METTL25: variants seen among roughly 807,000 people sequenced by gnomAD.
METTL25 encodes methyltransferase like 25.
METTL25 carries 64 observed loss-of-function variants against 71.6 expected under a neutral mutation model. The observed-to-expected ratio is 0.89, with a 90% CI of 0.73 to 1.10. METTL25 has a LOEUF of 1.10. METTL25 is among the 50% of genes least tolerant of loss of function. The pLI, the probability that METTL25 is intolerant of heterozygous loss-of-function variation, is 0.00. For synonymous variants in METTL25, 287 were observed against 250.3 expected (o/e 1.15, Z -1.38); for missense variants, 807 against 707.0 (o/e 1.14, Z -1.60).
intron 5 of METTL25, among the ~76,000 whole-genome samples, chr12:82,420,109 A>C (rs1297570177): frequency 6.6e-6 from 1 of 152,196 alleles, no homozygotes; most frequent in African/African-American, 2.4e-5. Context: ...TAAGCCAGGC[A>C]GAGAAAAATA....
chr12:82,402,913 A>G, intron 4 of METTL25, 70 bp from the exon 5 acceptor site: 1 of 1,200,994 alleles, frequency 8.3e-7, no homozygotes, highest in Non-Finnish European at 1.2e-6. Context: ...CTGTATGTAA[A>G]AATAAATAAA....
chr12:82,451,232 G>T, intron 8 of METTL25: 1 of 910,532 alleles, frequency 1.1e-6, no homozygotes, highest in Non-Finnish European at 1.3e-6. Flanking sequence ...GCTTCATGCA[G>T]TATCCTCCTC....
chr12:82,413,833 T>C (rs976594600), intron 5 of METTL25, among the ~76,000 whole-genome samples: 3 of 151,948 alleles, frequency 2.0e-5, no homozygotes, highest in African/African-American at 7.2e-5. Context: ...ACTTTCCTGC[T>C]ATGATTCTGC....
At chr12:82,437,236 A>T (rs1041799027) in intron 7 of METTL25, among the ~76,000 whole-genome samples, 1 of 151,704 alleles carries the variant, frequency 6.6e-6, no homozygotes, top group African/African-American at 2.4e-5. Flanking sequence ...TTATATAAGA[A>T]TTGTGCCTTT....
intron 5 of METTL25, among the ~76,000 whole-genome samples, chr12:82,419,943 T>G (rs1888333341): frequency 6.6e-6 from 1 of 152,182 alleles, no homozygotes; most frequent in African/African-American, 2.4e-5. Flanking sequence ...CACAGTAACC[T>G]AAGATATGGA....
In METTL25 at chr12:82,456,829, A is replaced by G. The variant is rs1233826200; in HGVS notation, c.1572+9A>G. On this transcript the variant is annotated intron_variant, in intron 9 of 11. Coordinates refer to ENST00000248306, the MANE Select transcript of METTL25 (RefSeq NM_032230.3). The stretch of plus-strand genomic sequence containing the variant: ...GATTAGATGAGTCCAAGGTCAGTAT[A>G]TGATGACTCATTATTTTCAGAAAAG... 15 of 1,274,924 alleles carry G rather than the reference A, an allele frequency of 1.2e-5. No homozygotes were observed. Among genetic ancestry groups the G allele is most frequent in the Admixed American group, 2.4e-5 (1 of 42,000 alleles). 79.0% of individuals were successfully genotyped at this position (1,274,924 alleles called of 1,614,324 possible). A position where few individuals can be genotyped will look rare whatever the true frequency, so the allele number is the denominator to read the frequency against.
chr12:82,396,215 C>A (rs2136989623), intron 3 of METTL25, among the ~76,000 whole-genome samples: 1 of 152,170 alleles, frequency 6.6e-6, no homozygotes, highest in East Asian at 1.9e-4. Flanking sequence ...TAATACATTT[C>A]TCAGAACATA....
intron 8 of METTL25, among the ~76,000 whole-genome samples, chr12:82,446,908 C>T (rs578182074): frequency 6.6e-5 from 10 of 152,230 alleles, no homozygotes; most frequent in Admixed American, 3.3e-4. Context: ...TGTGCCACCA[C>T]GCCCGGCCTT....
At chr12:82,397,297 C>T (rs1175501621) in intron 3 of METTL25, among the ~76,000 whole-genome samples, 1 of 151,908 alleles carries the variant, frequency 6.6e-6, no homozygotes, top group Non-Finnish European at 1.5e-5. Flanking sequence ...GGGAAGAGTA[C>T]GTTTGAATAT....
chr12:82,379,742 A>T (rs1884244195), intron 1 of METTL25, among the ~76,000 whole-genome samples: 1 of 152,194 alleles, frequency 6.6e-6, no homozygotes, highest in South Asian at 2.1e-4. Context: ...CCAGTGGATT[A>T]ACAGAAACTG....
Position 82,358,753 on chromosome 12 carries a change from G to A in METTL25, c.188G>A (p.Arg63Lys). 4 of 1,614,096 alleles carry A rather than the reference G, an allele frequency of 2.5e-6. No homozygotes were observed. Among genetic ancestry groups the A allele is most frequent in the Non-Finnish European group, 2.5e-6 (3 of 1,180,032 alleles). Reference sequence around the variant, plus strand: ...CCGGAGACAGTGCTGGCTGCGCTGAGGAAGTCAGCGTCGGAGACGGAGGCC... The same window carrying A: ...CCGGAGACAGTGCTGGCTGCGCTGAAGAAGTCAGCGTCGGAGACGGAGGCC... ...LPPETVLAAL[R>K]KSASETEALP... The change falls in exon 1 of 12, where the codon AGG (arginine) becomes AAG (lysine). Residue 63 changes from arginine (R) to lysine (K), a missense_variant. By Grantham distance (26) the Arg-to-Lys change is conservative. Coordinates refer to ENST00000248306, the MANE Select transcript of METTL25 (RefSeq NM_032230.3).
intron 9 of METTL25, among the ~76,000 whole-genome samples, chr12:82,468,246 G>T (rs563642671): frequency 4.1e-4 from 63 of 152,158 alleles, no homozygotes; most frequent in Non-Finnish European, 8.1e-4. Context: ...CTACCAAAAA[G>T]ATTGGCCAAC....
intron 3 of METTL25, among the ~76,000 whole-genome samples, chr12:82,394,238 T>C (rs1423119642): frequency 1.3e-5 from 2 of 152,050 alleles, no homozygotes; most frequent in Admixed American, 6.6e-5. Context: ...GTCTGCTGTT[T>C]CTTTGCCTAC....
At chr12:82,432,869 A>T (rs2137156731) in intron 6 of METTL25, among the ~76,000 whole-genome samples, 1 of 151,268 alleles carries the variant, frequency 6.6e-6, no homozygotes, top group South Asian at 2.1e-4. Flanking sequence ...TCTTTAAAAA[A>T]AAAAAAAAAA....
At chr12:82,442,022 A>C (rs1351413757) in intron 8 of METTL25, among the ~76,000 whole-genome samples, 1 of 152,076 alleles carries the variant, frequency 6.6e-6, no homozygotes, top group Non-Finnish European at 1.5e-5. Context: ...CCACTACCAC[A>C]GTGTCATACA....
At chr12:82,418,168 C>T (rs1332056317) in intron 5 of METTL25, among the ~76,000 whole-genome samples, 2 of 152,024 alleles carry the variant, frequency 1.3e-5, no homozygotes, top group Non-Finnish European at 2.9e-5. Flanking sequence ...AAGAGAAAAG[C>T]AAAGTATATA....
At chr12:82,409,772 A>G (rs1424499183) in intron 5 of METTL25, among the ~76,000 whole-genome samples, 1 of 152,042 alleles carries the variant, frequency 6.6e-6, no homozygotes, top group Non-Finnish European at 1.5e-5. Flanking sequence ...CAGCCTTAAT[A>G]TGATATGGGA....
At chr12:82,468,185 G>T (rs1892354983) in intron 9 of METTL25, among the ~76,000 whole-genome samples, 2 of 152,026 alleles carry the variant, frequency 1.3e-5, no homozygotes, top group African/African-American at 4.8e-5. Context: ...TACTGTTCCA[G>T]TCCACTAATA....
chr12:82,465,396 T>C (rs1485201802), intron 9 of METTL25, among the ~76,000 whole-genome samples: 1 of 152,048 alleles, frequency 6.6e-6, no homozygotes, highest in Non-Finnish European at 1.5e-5. Flanking sequence ...GTTGATGTGA[T>C]GTCTCATTTA....
Sources: gnomAD v4.1 joint callset for allele counts (sites outside exome capture counted in the v4.1 genomes callset) on GRCh38, gnomAD v4.1.1 for gene constraint, MANE v1.5 for transcripts, NCBI Gene and HGNC (gene_info 2026-07-23, HGNC 2026-07-21) for gene names.